Variants in ATG7 observed in about 807,000 individuals in gnomAD.
ATG7 encodes the protein autophagy related 7.
A neutral mutation model predicts 82.4 loss-of-function variants in ATG7; 70 were observed. That is an observed-to-expected ratio of 0.85 (90% confidence interval 0.70 to 1.04). The LOEUF (loss-of-function observed/expected upper bound fraction) is 1.04, where lower values mean the gene tolerates loss of function less well. Ranked by LOEUF, ATG7 falls within the 50% of genes least tolerant of loss-of-function variation. The pLI is 0.00. For missense variants in ATG7, 792 were observed against 864.3 expected (o/e 0.92, Z 1.05); for synonymous variants, 287 against 313.0 (o/e 0.92, Z 0.88).
At chr3:11,279,212 C>T (rs1294658595) in intron 1 of ATG7, among the ~76,000 whole-genome samples, 2 of 152,166 alleles carry the variant, frequency 1.3e-5, no homozygotes, top group Non-Finnish European at 2.9e-5. Flanking sequence ...GTGACATTGA[C>T]CAGAGGGCAT....
chr3:11,529,425 A>C (rs111687873), intron 20 of ATG7: 3 of 152,522 alleles, frequency 2.0e-5, no homozygotes, highest in African/African-American at 7.2e-5. Context: ...CGTGGCTTCA[A>C]ACAGAGAATT....
chr3:11,440,860 T>C (rs1160332704), intron 20 of ATG7, among the ~76,000 whole-genome samples: 1 of 151,388 alleles, frequency 6.6e-6, no homozygotes, highest in African/African-American at 2.4e-5. Context: ...GTTTTTGTAT[T>C]TTTAGTAGAG....
intron 11 of ATG7, 24 bp downstream of exon 11, chr3:11,333,117 G>A: frequency 6.5e-7 from 1 of 1,529,416 alleles, no homozygotes; most frequent in East Asian, 2.4e-5. Context: ...CTTTGAAAAT[G>A]CATATAATTA....
chr3:11,466,939 G>A (rs113065265), intron 20 of ATG7, among the ~76,000 whole-genome samples: 2,215 of 152,244 alleles, frequency 0.015, 53 homozygotes, highest in African/African-American at 0.051. Context: ...AGATCAGCCT[G>A]ACTAACATGG....
intron 1 of ATG7, among the ~76,000 whole-genome samples, chr3:11,279,033 G>A (rs1388184926): frequency 6.6e-6 from 1 of 152,154 alleles, no homozygotes; most frequent in South Asian, 2.1e-4. Context: ...CTGATGATGT[G>A]GAGCTGAGTC....
chr3:11,520,258 C>T (rs554821490), intron 20 of ATG7, among the ~76,000 whole-genome samples: 3 of 152,318 alleles, frequency 2.0e-5, no homozygotes, highest in African/African-American at 7.2e-5. Flanking sequence ...ATATGCTCCT[C>T]TACCATGAGT....
intron 18 of ATG7, among the ~76,000 whole-genome samples, chr3:11,368,978 G>C (rs1447333858): frequency 6.6e-6 from 1 of 150,862 alleles, no homozygotes; most frequent in Admixed American, 6.6e-5. Context: ...AATTCTTTTA[G>C]CTTCAGAAAA....
chr3:11,302,315 C>T (rs1946906657), intron 5 of ATG7, among the ~76,000 whole-genome samples: 1 of 152,130 alleles, frequency 6.6e-6, no homozygotes, highest in Non-Finnish European at 1.5e-5. Flanking sequence ...TTCTGAGTCC[C>T]TATTAGGATG....
intron 20 of ATG7, among the ~76,000 whole-genome samples, chr3:11,458,430 A>G (rs755263517): frequency 1.4e-4 from 21 of 151,998 alleles, no homozygotes; most frequent in Middle Eastern, 3.4e-3. Flanking sequence ...CGCCCGGCTA[A>G]TTTTTTGTAT....
At chr3:11,544,398 C>A (rs1033989136) in intron 20 of ATG7, among the ~76,000 whole-genome samples, 1 of 152,214 alleles carries the variant, frequency 6.6e-6, no homozygotes, top group Admixed American at 6.5e-5. Flanking sequence ...CCTTGCAGAG[C>A]ACCCTTTTTC....
At chr3:11,488,212 G>A in intron 20 of ATG7, 1 of 180,062 alleles carries the variant, frequency 5.6e-6, no homozygotes, top group Non-Finnish European at 9.8e-6. Context: ...TGGGCGGCCA[G>A]GCAGAGACAC....
At chr3:11,291,294 C>A (rs1363815791) in intron 3 of ATG7, among the ~76,000 whole-genome samples, 2 of 152,098 alleles carry the variant, frequency 1.3e-5, no homozygotes, top group East Asian at 3.9e-4. Flanking sequence ...CTGGCCAGGG[C>A]CTTTTTGTTT....
At chr3:11,374,603 T>C (rs774567624) in intron 18 of ATG7, among the ~76,000 whole-genome samples, 8 of 152,156 alleles carry the variant, frequency 5.3e-5, no homozygotes, top group Non-Finnish European at 1.0e-4. Context: ...TAAACTGTTG[T>C]GCTTCAAGAA....
chr3:11,457,329 G>C (rs1388623607), intron 20 of ATG7, among the ~76,000 whole-genome samples: 1 of 152,162 alleles, frequency 6.6e-6, no homozygotes, highest in East Asian at 1.9e-4. Context: ...TGTGAACTGA[G>C]TGGTGTGGCA....
intron 18 of ATG7, among the ~76,000 whole-genome samples, chr3:11,377,300 T>C (rs976503181): frequency 6.6e-6 from 1 of 152,214 alleles, no homozygotes; most frequent in Non-Finnish European, 1.5e-5. Flanking sequence ...CTCACACACA[T>C]ATTATTCTAC....
chr3:11,569,221 T>C, the ATG7 span, among the ~76,000 whole-genome samples: 1 of 152,328 alleles, frequency 6.6e-6, no homozygotes, highest in South Asian at 2.1e-4. Context: ...CCCCATCACC[T>C]GACGTTCTGA....
chr3:11,565,026 AAG>A, the ATG7 span: 1 of 1,474,880 alleles, frequency 6.8e-7, no homozygotes, highest in Non-Finnish European at 9.0e-7. The surrounding 1 kb of genome is among the most constrained non-coding windows in gnomAD (Gnocchi z 4.1). Context: ...GTTCCTGAAA[AAG>A]AGGAATGGGC....
chr3:11,315,313 T>C (rs762021745), intron 8 of ATG7, 31 bp from the exon 9 acceptor site: 50 of 1,498,124 alleles, frequency 3.3e-5, no homozygotes, highest in Non-Finnish European at 1.8e-6. Context: ...TGTAATTTTC[T>C]AGAGAATAAC....
the ATG7 span, among the ~76,000 whole-genome samples, chr3:11,575,995 G>A: frequency 2.0e-5 from 3 of 152,212 alleles, no homozygotes; most frequent in African/African-American, 7.2e-5. Flanking sequence ...TCAACTCTAT[G>A]TAAATAAGGT....
Sources: allele counts gnomAD v4.1 joint callset (sites outside exome capture counted in the v4.1 genomes callset), GRCh38; gene constraint gnomAD v4.1.1; non-coding constraint Gnocchi (gnomAD v3.1); transcripts MANE v1.5; gene names NCBI Gene and HGNC (gene_info 2026-07-23, HGNC 2026-07-21).